Variants in SCHIP1 observed in about 807,000 individuals in gnomAD.
The protein encoded by SCHIP1 is schwannomin interacting protein 1.
A neutral mutation model predicts 29.7 loss-of-function variants in SCHIP1; 8 were observed. The observed-to-expected ratio is 0.27, with a 90% CI of 0.16 to 0.49. SCHIP1 has a LOEUF of 0.49. SCHIP1 is among the 20% of genes least tolerant of loss of function. SCHIP1 has a pLI of 0.99. For missense variants in SCHIP1, 193 were observed against 294.6 expected, an observed-to-expected ratio of 0.66 and a Z score of 2.52; for synonymous variants, 76 against 94.9, an observed-to-expected ratio of 0.80 and a Z score of 1.16.
chr3:159,508,460 T>A, the SCHIP1 span, among the ~76,000 whole-genome samples: 1 of 152,224 alleles, frequency 6.6e-6, no homozygotes, highest in Non-Finnish European at 1.5e-5. Context: ...TTGGTGTCTC[T>A]ATTTCCTTCA....
Position 159,888,957 on chromosome 3 carries a change from A to G in SCHIP1, c.589+14A>G, listed in dbSNP as rs1179319740. The G allele has an allele frequency of 2.5e-6, 4 of 1,612,250 alleles. No individual in the cohort carries two copies. Among genetic ancestry groups the G allele is most frequent in the South Asian group, 1.1e-5 (1 of 90,606 alleles). On this transcript the variant is annotated intron_variant, in intron 5 of 6. Coordinates refer to ENST00000445224, the Ensembl canonical transcript of SCHIP1. The stretch of plus-strand genomic sequence containing the variant: ...CCCAGATAGAAAGTAAGTGTAAGAT[A>G]TGCTTGAAAATAGGATATTCAATGT...
the SCHIP1 span, among the ~76,000 whole-genome samples, chr3:159,446,168 T>C: frequency 2.0e-5 from 3 of 151,954 alleles, no homozygotes; most frequent in Non-Finnish European, 4.4e-5. Context: ...TACCAACTCT[T>C]TCAGGTGTAA....
the SCHIP1 span, among the ~76,000 whole-genome samples, chr3:159,832,341 A>G: frequency 2.0e-5 from 3 of 152,134 alleles, no homozygotes; most frequent in Non-Finnish European, 4.4e-5. Context: ...CAGTTCTTCT[A>G]GCACCTGGCC....
At chr3:159,875,722 C>T (rs975645233) in intron 2 of SCHIP1, among the ~76,000 whole-genome samples, 1 of 152,118 alleles carries the variant, frequency 6.6e-6, no homozygotes, top group African/African-American at 2.4e-5. Context: ...GGTTTAACAC[C>T]ATCCTTTTAC....
At chr3:159,513,794 C>T in the SCHIP1 span, among the ~76,000 whole-genome samples, 1 of 152,224 alleles carries the variant, frequency 6.6e-6, no homozygotes, top group African/African-American at 2.4e-5. Flanking sequence ...AATCAAGCGA[C>T]TGCAGAAATG....
At chr3:159,553,474 C>T in the SCHIP1 span, among the ~76,000 whole-genome samples, 4 of 152,144 alleles carry the variant, frequency 2.6e-5, no homozygotes, top group African/African-American at 4.8e-5. Flanking sequence ...TGAATGTCTG[C>T]TCATTATTAA....
the SCHIP1 span, among the ~76,000 whole-genome samples, chr3:159,530,194 T>C: frequency 2.6e-5 from 4 of 152,162 alleles, no homozygotes; most frequent in African/African-American, 9.6e-5. Context: ...ATAGTGGCTC[T>C]TCTAGTTTAC....
chr3:159,850,894 C>T (rs766699384), intron 1 of SCHIP1, among the ~76,000 whole-genome samples: 8 of 152,190 alleles, frequency 5.3e-5, no homozygotes, highest in African/African-American at 1.4e-4. Context: ...TGATTACAAT[C>T]GAACATGAGA....
the SCHIP1 span, among the ~76,000 whole-genome samples, chr3:159,350,772 C>A: frequency 6.6e-6 from 1 of 152,074 alleles, no homozygotes; most frequent in Non-Finnish European, 1.5e-5. Flanking sequence ...GCAAGAGCAG[C>A]AATAATCTAC....
At chr3:159,378,048 C>G in the SCHIP1 span, among the ~76,000 whole-genome samples, 1 of 152,200 alleles carries the variant, frequency 6.6e-6, no homozygotes, top group Non-Finnish European at 1.5e-5. Flanking sequence ...ATGACTCTCC[C>G]TGGAAAACAG....
chr3:159,480,771 G>A, the SCHIP1 span, among the ~76,000 whole-genome samples: 2,086 of 152,254 alleles, frequency 0.014, 50 homozygotes, highest in African/African-American at 0.048. Flanking sequence ...CTTATGAACA[G>A]CAGCATCAGC....
the SCHIP1 span, among the ~76,000 whole-genome samples, chr3:159,666,882 A>G: frequency 1.3e-5 from 2 of 152,302 alleles, no homozygotes; most frequent in Admixed American, 6.5e-5. Flanking sequence ...CGATGTCTAC[A>G]TCGGTCAAGG....
chr3:159,418,443 G>A, the SCHIP1 span, among the ~76,000 whole-genome samples: 1 of 152,194 alleles, frequency 6.6e-6, no homozygotes, highest in Non-Finnish European at 1.5e-5. Flanking sequence ...CTTCTAAACT[G>A]TCTGTGCAGG....
At chr3:159,436,012 T>A in the SCHIP1 span, among the ~76,000 whole-genome samples, 15 of 152,138 alleles carry the variant, frequency 9.9e-5, no homozygotes, top group Non-Finnish European at 1.8e-4. Flanking sequence ...TAAGTGTGTG[T>A]CTTAAATGAT....
At chr3:159,574,736 A>G in the SCHIP1 span, among the ~76,000 whole-genome samples, 1 of 152,144 alleles carries the variant, frequency 6.6e-6, no homozygotes, top group Non-Finnish European at 1.5e-5. Flanking sequence ...TCTAGAAGCA[A>G]TAGGCCTTAT....
At chr3:159,880,793 T>C (rs970241296) in intron 2 of SCHIP1, among the ~76,000 whole-genome samples, 9 of 152,246 alleles carry the variant, frequency 5.9e-5, no homozygotes, top group African/African-American at 2.2e-4. Context: ...CTCTACCTTA[T>C]GTAGTTATAA....
the SCHIP1 span, among the ~76,000 whole-genome samples, chr3:159,732,126 G>A: frequency 1.3e-4 from 20 of 152,320 alleles, no homozygotes; most frequent in Middle Eastern, 6.8e-3. Flanking sequence ...AATTACAGGC[G>A]TGAGCCACCA....
chr3:159,895,154 A>G (rs1717936956), intron 6 of SCHIP1, among the ~76,000 whole-genome samples: 1 of 152,242 alleles, frequency 6.6e-6, no homozygotes, highest in Admixed American at 6.5e-5. Context: ...CAACAGGGCT[A>G]TAAGATGGTC....
the SCHIP1 span, among the ~76,000 whole-genome samples, chr3:159,518,033 A>G: frequency 6.6e-6 from 1 of 152,190 alleles, no homozygotes; most frequent in African/African-American, 2.4e-5. Context: ...GTCTATTCAT[A>G]TAATGTAATT....
Sources: gnomAD v4.1 joint callset for allele counts (sites outside exome capture counted in the v4.1 genomes callset) on GRCh38, gnomAD v4.1.1 for gene constraint, MANE v1.5 for transcripts, NCBI Gene and HGNC (gene_info 2026-07-23, HGNC 2026-07-21) for gene names.